PABPC1L: variants seen among roughly 807,000 people sequenced by gnomAD.
PABPC1L encodes the protein polyadenylate-binding protein 1-like.
Under a neutral mutation model 66.6 loss-of-function variants are expected in PABPC1L, and 31 were observed. That is an observed-to-expected ratio of 0.47 (90% CI 0.35 to 0.63). The LOEUF (loss-of-function observed/expected upper bound fraction) is 0.63, where lower values mean the gene tolerates loss of function less well. Among genes scored for constraint, PABPC1L ranks in the 20% least tolerant of loss-of-function variants. The pLI is 0.00. For missense variants in PABPC1L, 722 were observed against 848.8 expected (o/e 0.85, Z 1.86); for synonymous variants, 348 against 335.1 (o/e 1.04, Z -0.42).
At chr20:44,930,204 A>C (rs559429072) in intron 7 of PABPC1L, among the ~76,000 whole-genome samples, 50 of 152,270 alleles carry the variant, frequency 3.3e-4, no homozygotes, top group African/African-American at 1.1e-3. Context: ...AACAGGGTGC[A>C]CGCTACATCC....
chr20:44,911,391 G>C (rs573395289), intron 1 of PABPC1L, among the ~76,000 whole-genome samples: 2 of 152,190 alleles, frequency 1.3e-5, no homozygotes, highest in Non-Finnish European at 2.9e-5. Flanking sequence ...TTGAATCCGG[G>C]AGGCAGAGGT....
At chr20:44,928,864 C>CAAAAAAAAAAAAAAA (rs10597679) in intron 7 of PABPC1L, among the ~76,000 whole-genome samples, 6 of 54,334 alleles carry the variant, frequency 1.1e-4, no homozygotes, top group African/African-American at 3.4e-4. Context: ...GATCCTGACT[C>CAAAAAAAAAAAAAAA]AAAAAAAAAA....
At chr20:44,924,660 A>G (rs1239882448) in intron 7 of PABPC1L, among the ~76,000 whole-genome samples, 1 of 152,058 alleles carries the variant, frequency 6.6e-6, no homozygotes, top group East Asian at 1.9e-4. Context: ...GTCATTCTTC[A>G]TTTGTTCTTC....
chr20:44,917,777 G>A (rs1001248942), intron 3 of PABPC1L, among the ~76,000 whole-genome samples: 2 of 152,066 alleles, frequency 1.3e-5, no homozygotes, highest in Non-Finnish European at 2.9e-5. Flanking sequence ...TTTGTCCAGG[G>A]TTACTCAGAG....
At chr20:44,917,392 C>G (rs1190905352) in intron 3 of PABPC1L, among the ~76,000 whole-genome samples, 1 of 131,860 alleles carries the variant, frequency 7.6e-6, no homozygotes, top group Non-Finnish European at 1.6e-5. Flanking sequence ...GAGATGGGGT[C>G]TCACTTTGTT....
At chr20:44,927,497 C>T (rs1368354864) in intron 7 of PABPC1L, among the ~76,000 whole-genome samples, 2 of 151,738 alleles carry the variant, frequency 1.3e-5, no homozygotes, top group African/African-American at 4.8e-5. Flanking sequence ...ACAGGCGCCT[C>T]TCACCATGCC....
intron 5 of PABPC1L, among the ~76,000 whole-genome samples, chr20:44,919,684 T>C (rs1465920065): frequency 6.6e-6 from 1 of 152,124 alleles, no homozygotes; most frequent in Admixed American, 6.5e-5. Context: ...AGACCCTGTC[T>C]CTAATTTTTT....
At chr20:44,912,034 C>T (rs1359447748) in intron 1 of PABPC1L, among the ~76,000 whole-genome samples, 1 of 152,234 alleles carries the variant, frequency 6.6e-6, no homozygotes, top group African/African-American at 2.4e-5. Context: ...ACAAACAAGG[C>T]ACTTTTACAT....
Position 44,924,205 on chromosome 20 carries a change from C to G in PABPC1L, c.921C>G (p.Asp307Glu). 6.2e-7 allele frequency: 1 copy of G among 1,614,038 alleles called. No homozygotes were observed. Among genetic ancestry groups the G allele is most frequent in the East Asian group, 2.2e-5 (1 of 44,882 alleles). ...YVKNLDDSID[D>E]DKLRKEFSPY... ...AGAATCTGGACGACTCCATTGATGA[C>G]GACAAACTGAGGAAAGAGTTCTCTC... The change falls in exon 7 of 15, where the codon GAC (aspartate) becomes GAG (glutamate). Residue 307 changes from aspartate (D) to glutamate (E), a missense_variant. Asp to Glu is a conservative substitution (Grantham distance 45). Transcript: ENST00000217073.
chr20:44,916,623 C>G, intron 2 of PABPC1L, 133 bp from the exon 3 acceptor site: 1 of 804,436 alleles, frequency 1.2e-6, no homozygotes, highest in Non-Finnish European at 2.2e-6. Context: ...CTTCCATACC[C>G]CATCCCTAAC....
At chr20:44,920,720 TG>T (rs1450429954) in intron 5 of PABPC1L, among the ~76,000 whole-genome samples, 1 of 150,898 alleles carries the variant, frequency 6.6e-6, no homozygotes, top group Non-Finnish European at 1.5e-5. Context: ...CCACCCGCCT[TG>T]GCCTCCCAAA....
At chr20:44,937,069 GGGGGGT>G in intron 12 of PABPC1L, 4 of 479,332 alleles carry the variant, frequency 8.3e-6, no homozygotes, top group South Asian at 6.3e-5. Flanking sequence ...GCTTGTAGGT[GGGGGGT>G]TAAAGTTCCT....
chr20:44,932,468 C>T, intron 9 of PABPC1L, 36 bp downstream of exon 9: 2 of 1,567,708 alleles, frequency 1.3e-6, no homozygotes, highest in Non-Finnish European at 1.7e-6. Context: ...TCAGACTGGC[C>T]TATTGGTGTG....
chr20:44,936,702 G>C lies in PABPC1L; in HGVS notation c.1632G>C (p.Ala544=). The C allele has an allele frequency of 6.2e-7, 1 of 1,608,402 alleles. No individual in the cohort carries two copies. The highest frequency in any genetic ancestry group is 8.5e-7 in the Non-Finnish European group (1 of 1,178,224). The change falls in exon 12 of 15, where the codon GCG becomes GCC. Residue 544 remains alanine, a synonymous_variant. Transcript: ENST00000217073. ...EPLTASMLAA[A]PLHEQKQMIG... ...TGACCGCGTCCATGCTGGCTGCGGCGCCCCTGCATGAGCAAAAGCAGATGA... is the reference window on the plus strand; with the variant it reads ...TGACCGCGTCCATGCTGGCTGCGGCCCCCCTGCATGAGCAAAAGCAGATGA...
In PABPC1L at chr20:44,938,719, C is replaced by CA; in HGVS notation, c.1838dup (p.Pro614AlafsTer52). On this transcript the variant is annotated frameshift_variant, in exon 14 of 15. Coordinates refer to ENST00000217073, the MANE Select transcript of PABPC1L (RefSeq NM_001372179.1). LOFTEE classifies it high-confidence loss of function. ...GCTGCAGGCACACCAGGCTATGGAG[C>CA]AGCCGAAGGCGTACATGCACTGAAA... The CA allele has an allele frequency of 6.2e-7, 1 of 1,612,002 alleles. No individual in the cohort carries two copies. The highest frequency in any genetic ancestry group is 8.5e-7 in the Non-Finnish European group (1 of 1,179,240).
At position 44,930,285 on chromosome 20, in the gene PABPC1L, C is replaced by T. The variant is rs147910894; in HGVS notation, c.973-175C>T. Among the ~76,000 whole-genome samples, 511 of 152,190 alleles carry T rather than the reference C, an allele frequency of 3.4e-3. 3 individuals carry two copies. Among genetic ancestry groups the T allele is most frequent in the African/African-American group, 0.012 (495 of 41,520 alleles). On this transcript the variant is annotated intron_variant, in intron 7 of 14. Coordinates refer to ENST00000217073, the MANE Select transcript of PABPC1L (RefSeq NM_001372179.1). Reference sequence around the variant, plus strand: ...TCACAGCTTGCTAAACGGGGGTGCACACTACATCCCTCGAACACAGCTTAG... The same window carrying T: ...TCACAGCTTGCTAAACGGGGGTGCATACTACATCCCTCGAACACAGCTTAG...
At chr20:44,936,105 G>A (rs1348803572) in intron 11 of PABPC1L, among the ~76,000 whole-genome samples, 1 of 151,946 alleles carries the variant, frequency 6.6e-6, no homozygotes, top group Non-Finnish European at 1.5e-5. Context: ...CCAAGTACAG[G>A]CATGTGACAC....
Position 44,912,773 on chromosome 20 carries a change from A to G in PABPC1L, c.307A>G (p.Ile103Val), listed in dbSNP as rs2066713883. ...LRKSGVGNIF[I>V]KNLEDSIDNK... ...CAAGTCAGGTGTGGGCAACATCTTC[A>G]TCAAGAACCTGGAGGACTCCATTGA... Residue 103 changes from isoleucine (I) to valine (V), a missense_variant, in exon 2 of 15, where the codon ATC (isoleucine) becomes GTC (valine). Transcript: ENST00000217073. The G allele has an allele frequency of 3.7e-6, 6 of 1,614,168 alleles. No individual in the cohort carries two copies. The highest frequency in any genetic ancestry group is 5.1e-6 in the Non-Finnish European group (6 of 1,180,012).
In PABPC1L at chr20:44,922,998, A is replaced by G. The variant is rs6130714; in HGVS notation, c.877-1163A>G. On this transcript the variant is annotated intron_variant, in intron 6 of 14. Coordinates refer to ENST00000217073, the MANE Select transcript of PABPC1L (RefSeq NM_001372179.1). The stretch of plus-strand genomic sequence containing the variant: ...CCTCTTGTGTACATACAGCGTGTCC[A>G]GGGGCTTTCATACCTGCAGAACAAA... Among the ~76,000 whole-genome samples, 33 of 152,362 alleles carry G rather than the reference A, an allele frequency of 2.2e-4. No homozygotes were observed. The East Asian group carries it at 6.4e-3, about 29-fold the overall frequency.
Sources: allele counts gnomAD v4.1 joint callset (sites outside exome capture counted in the v4.1 genomes callset), GRCh38; gene constraint gnomAD v4.1.1; transcripts MANE v1.5; gene names NCBI Gene and HGNC (gene_info 2026-07-23, HGNC 2026-07-21).